Variants in RYR1 observed in about 807,000 individuals in gnomAD.
The protein encoded by RYR1 is central core disease of muscle.
A neutral mutation model predicts 583.5 loss-of-function variants in RYR1; 342 were observed. The ratio of observed to expected loss-of-function variants is 0.59; its 90% CI spans 0.54 to 0.64. The LOEUF is 0.64. Ranked by LOEUF, RYR1 falls within the 30% of genes least tolerant of loss-of-function variation. The pLI is 0.00. For synonymous variants in RYR1, 2,791 were observed against 2,822.5 expected, an observed-to-expected ratio of 0.99 and a Z score of 0.35; for missense variants, 6,032 against 6,917.2, an observed-to-expected ratio of 0.87 and a Z score of 4.54.
At position 38,566,993 on chromosome 19, in the gene RYR1, T is replaced by C. The variant is rs2145852967; in HGVS notation, c.13514+6T>C. The C allele has an allele frequency of 1.3e-6, 2 of 1,585,838 alleles. No individual in the cohort carries two copies. The highest frequency in any genetic ancestry group is 2.3e-5 in the East Asian group (1 of 43,756). On this transcript the variant is annotated splice_donor_region_variant and intron_variant, in intron 92 of 105. Coordinates refer to ENST00000359596, the MANE Select transcript of RYR1 (RefSeq NM_000540.3). ...CTGGAGCCGGAGAAAGCCGAGTGAG[T>C]GGCCTTGGGGCTGAGGGGCCTAGCC...
rs748575834 is a variant in RYR1 at position 38,448,551 on chromosome 19, C to T, written c.957+40C>T. 3.1e-6 allele frequency: 5 copies of T among 1,614,010 alleles called. No homozygotes were observed. The Admixed American group carries it at 5.0e-5, about 16-fold the overall frequency. ...TGGCGCCCTCCCTCACCTGAAGCCCCCAGTCCCAGCCCAGCCTGCACTCTG... is the reference window on the plus strand; with the variant it reads ...TGGCGCCCTCCCTCACCTGAAGCCCTCAGTCCCAGCCCAGCCTGCACTCTG... On this transcript the variant is annotated intron_variant, in intron 10 of 105. Coordinates refer to ENST00000359596, the MANE Select transcript of RYR1 (RefSeq NM_000540.3).
intron 20 of RYR1, 63 bp downstream of exon 20, chr19:38,460,654 C>A: frequency 2.0e-6 from 3 of 1,466,552 alleles, no homozygotes; most frequent in Non-Finnish European, 2.8e-6. Flanking sequence ...AGAGAGGGGG[C>A]AGGGTGCCAT....
chr19:38,549,875 TTGTGTG>T (rs150566334), intron 89 of RYR1, among the ~76,000 whole-genome samples: 8,320 of 122,164 alleles, frequency 0.068, 305 homozygotes, highest in South Asian at 0.098. Context: ...CCAGCTAAAT[TTGTGTG>T]TGTGTGTGTG....
In RYR1 at chr19:38,543,839, G is replaced by A; in HGVS notation, c.11976G>A (p.Leu3992=). 6.2e-7 allele frequency: 1 copy of A among 1,613,830 alleles called. No individual in the cohort carries two copies. The highest frequency in any genetic ancestry group is 8.5e-7 in the Non-Finnish European group (1 of 1,180,028). The change falls in exon 87 of 106, where the codon CTG becomes CTA. Residue 3992 remains leucine, a synonymous_variant. Coordinates refer to ENST00000359596, the MANE Select transcript of RYR1 (RefSeq NM_000540.3). The surrounding 1 kb of genome is among the most constrained non-coding windows in gnomAD (Gnocchi z 4.4). The part of the protein sequence containing the change: ...SRLWDAVVGF[L]HVFAHMMMKL... ...TATGGGACGCAGTGGTGGGATTCCT[G>A]CACGTGTTCGCCCACATGATGATGA...
At position 38,496,857 on chromosome 19, in the gene RYR1, C is replaced by A. The variant is rs766633897; in HGVS notation, c.6797-3C>A. On this transcript the variant is annotated splice_polypyrimidine_tract_variant and splice_region_variant and intron_variant, in intron 41 of 105. Transcript: ENST00000359596. This position sits in a 1 kb window ranked among gnomAD's most constrained non-coding sequence, Gnocchi z 4.8. Reference sequence around the variant, plus strand: ...ATGTTCTCCCCACCTCTCGCCCCTGCAGGCATGCAGGGCTCCACGCCCCTG... The same window carrying A: ...ATGTTCTCCCCACCTCTCGCCCCTGAAGGCATGCAGGGCTCCACGCCCCTG... The A allele has an allele frequency of 2.5e-6, 4 of 1,612,742 alleles. No homozygotes were observed. The highest frequency in any genetic ancestry group is 3.4e-6 in the Non-Finnish European group (4 of 1,179,442).
chr19:38,464,858 C>T (rs1968010564), intron 23 of RYR1, 136 bp downstream of exon 23: 1 of 738,018 alleles, frequency 1.4e-6, no homozygotes, highest in Non-Finnish European at 2.4e-6. Flanking sequence ...GGGTGAAGGT[C>T]ATAGGGTCAG....
In RYR1 at chr19:38,561,479, G is replaced by A. The variant is rs189334423; in HGVS notation, c.12624+25G>A. ...GGTCAGGGAACCCGCGCGCGTGCAA[G>A]CTCGCCTCCTGGGGCTTCGGGCATG... On this transcript the variant is annotated intron_variant, in intron 90 of 105. Transcript: ENST00000359596. The surrounding 1 kb of genome is among the most constrained non-coding windows in gnomAD (Gnocchi z 4.8). 4.2e-4 allele frequency: 671 copies of A among 1,594,376 alleles called. 2 individuals carry two copies. The highest frequency in any genetic ancestry group is 5.3e-4 in the Non-Finnish European group (622 of 1,172,976).
chr19:38,448,643 CT>C lies in RYR1; in HGVS notation c.958-5del. 6.2e-7 allele frequency: 1 copy of C among 1,614,214 alleles called. No individual in the cohort carries two copies. The highest frequency in any genetic ancestry group is 8.5e-7 in the Non-Finnish European group (1 of 1,180,026). On this transcript the variant is annotated splice_polypyrimidine_tract_variant and splice_region_variant and intron_variant, in intron 10 of 105. Transcript: ENST00000359596. ...GGAGGCTGACCTGTGTCCCCTGCCCCTGTAGGAGAAGCTGGATGTGGCCCCC... is the reference window on the plus strand; with the variant it reads ...GGAGGCTGACCTGTGTCCCCTGCCCCGTAGGAGAAGCTGGATGTGGCCCCC...
In RYR1 at chr19:38,496,951, A is replaced by G. The variant is rs1369384358; in HGVS notation, c.6888A>G (p.Glu2296=). ...LALALQEQDL[E]KVVSYLAGCG... ...TGGCATTGCAGGAGCAGGACCTGGA[A>G]AAGGTGTGGAGGGCAGGGCTGGGCC... Residue 2296 remains glutamate (E), a synonymous_variant, in exon 42 of 106, where the codon GAA becomes GAG. Coordinates refer to ENST00000359596, the MANE Select transcript of RYR1 (RefSeq NM_000540.3). This position sits in a 1 kb window ranked among gnomAD's most constrained non-coding sequence, Gnocchi z 4.8. 6.2e-7 allele frequency: 1 copy of G among 1,613,158 alleles called. No individual in the cohort carries two copies. Among genetic ancestry groups the G allele is most frequent in the Admixed American group, 1.7e-5 (1 of 60,010 alleles).
rs1286759539 is a variant in RYR1, at chr19:38,585,078, A to T, written c.14782A>T (p.Ile4928Phe). Residue 4928 changes from isoleucine to phenylalanine, a missense_variant, in exon 102 of 106, where the codon ATC becomes TTC. Physicochemically the swap from Ile to Phe is conservative, Grantham distance 21. Around this residue, in one of 11 missense-constraint regions of RYR1, gnomAD observed 189 missense variants for 350.3 expected, o/e 0.54. Transcript: ENST00000359596. ...CACCTTCTTCTTCTTCGTCATCGTCATCCTGTTGGCCATCATCCAGGGTCA... is the reference window on the plus strand; with the variant it reads ...CACCTTCTTCTTCTTCGTCATCGTCTTCCTGTTGGCCATCATCCAGGGTCA... ...DITFFFFVIV[I>F]LLAIIQGLII... 1 of 1,613,710 alleles carries T rather than the reference A, an allele frequency of 6.2e-7. No homozygotes were observed. The highest frequency in any genetic ancestry group is 1.3e-5 in the African/African-American group (1 of 74,846).
At chr19:38,522,990 C>T in intron 67 of RYR1, 38 bp from the exon 68 acceptor site, 1 of 1,507,734 alleles carries the variant, frequency 6.6e-7, no homozygotes, top group Non-Finnish European at 9.0e-7. Context: ...TCCCTGGGAT[C>T]CCCACCCCCT....
intron 37 of RYR1, among the ~76,000 whole-genome samples, chr19:38,492,082 C>G (rs1215823937): frequency 6.6e-6 from 1 of 151,938 alleles, no homozygotes; most frequent in African/African-American, 2.4e-5. Context: ...ATAAATGAGG[C>G]CAGGGGTGGT....
intron 16 of RYR1, among the ~76,000 whole-genome samples, chr19:38,457,162 T>A (rs1967455203): frequency 6.6e-6 from 1 of 151,996 alleles, no homozygotes; most frequent in Non-Finnish European, 1.5e-5. Flanking sequence ...CCTGCTGATT[T>A]AAAATTTCAT....
At chr19:38,578,070 A>G in intron 98 of RYR1, 22 bp downstream of exon 98, 1 of 1,613,952 alleles carries the variant, frequency 6.2e-7, no homozygotes, top group Non-Finnish European at 8.5e-7. Flanking sequence ...ACACCCCTGC[A>G]CAGGCCTGGG....
At position 38,543,431 on chromosome 19, in the gene RYR1, T is replaced by C; in HGVS notation, c.11774T>C (p.Leu3925Pro). 1 of 1,614,202 alleles carries C rather than the reference T, an allele frequency of 6.2e-7. No homozygotes were observed. The highest frequency in any genetic ancestry group is 8.5e-7 in the Non-Finnish European group (1 of 1,180,012). Residue 3925 changes from leucine to proline, a missense_variant, in exon 85 of 106, where the codon CTG (leucine) becomes CCG (proline). Transcript: ENST00000359596. This position sits in a 1 kb window ranked among gnomAD's most constrained non-coding sequence, Gnocchi z 4.4. The stretch of plus-strand genomic sequence containing the variant: ...TGCACTGTGGACTACCTCCTGCGGC[T>C]GCAGGTGAGGACGTGAGACGGTTCA... ...IICTVDYLLR[L>P]QESISDFYWY...
At position 38,444,503 on chromosome 19, in the gene RYR1, C is replaced by A; in HGVS notation, c.538-81C>A. The stretch of plus-strand genomic sequence containing the variant: ...CATCTGCCGGTTTCCGGGTATCCAC[C>A]CTTGATTTCTGGCCTCTGACGCTGG... On this transcript the variant is annotated intron_variant, in intron 6 of 105. Coordinates refer to ENST00000359596, the MANE Select transcript of RYR1 (RefSeq NM_000540.3). The surrounding 1 kb of genome is among the most constrained non-coding windows in gnomAD (Gnocchi z 5.1). The A allele has an allele frequency of 8.0e-7, 1 of 1,243,680 alleles. No individual in the cohort carries two copies. The highest frequency in any genetic ancestry group is 1.2e-6 in the Non-Finnish European group (1 of 862,018). The allele number at this position is 1,243,680 out of a possible 1,614,324, so 77.0% of individuals were successfully genotyped here. A position where few individuals can be genotyped will look rare whatever the true frequency, so the allele number is the denominator to read the frequency against.
Position 38,533,409 on chromosome 19 carries a change from T to C in RYR1, c.11259+673T>C, listed in dbSNP as rs188837448. ...TTTTTAAATGTATAAAATGAATTCA[T>C]AGCAGAGGAAACAAGTATTGAATAG... On this transcript the variant is annotated intron_variant, in intron 78 of 105. Coordinates refer to ENST00000359596, the MANE Select transcript of RYR1 (RefSeq NM_000540.3). Among the ~76,000 whole-genome samples, 647 of 152,310 alleles carry C rather than the reference T, an allele frequency of 4.2e-3. 18 individuals are homozygous for C. Among genetic ancestry groups the C allele is most frequent in the Admixed American group, 0.038 (582 of 15,294 alleles).
chr19:38,464,618 C>T, intron 22 of RYR1, 21 bp from the exon 23 acceptor site: 1 of 1,561,710 alleles, frequency 6.4e-7, no homozygotes, highest in Non-Finnish European at 8.7e-7. Context: ...TGACCTGTCG[C>T]CTCCACTCCC....
Position 38,517,707 on chromosome 19 carries a change from C to A in RYR1, c.10018+16C>A, listed in dbSNP as rs979368424. 6 of 1,612,030 alleles carry A rather than the reference C, an allele frequency of 3.7e-6. No homozygotes were observed. Among genetic ancestry groups the A allele is most frequent in the Non-Finnish European group, 5.1e-6 (6 of 1,178,260 alleles). On this transcript the variant is annotated intron_variant, in intron 66 of 105. Transcript: ENST00000359596. ...CGGCTGGCTGGTGGGTCGGGGGGCA[C>A]TGGGCCTCTGAGGGGTGGGTCAGCA... is the stretch of plus-strand genomic sequence containing the variant.
Sources: gnomAD v4.1 joint callset for allele counts (sites outside exome capture counted in the v4.1 genomes callset) on GRCh38, gnomAD v4.1.1 for gene constraint, gnomAD v4.1.1 regional missense constraint, Gnocchi (gnomAD v3.1) non-coding constraint, MANE v1.5 for transcripts, NCBI Gene and HGNC (gene_info 2026-07-23, HGNC 2026-07-21) for gene names.